The following ATAD1 variants were observed in gnomAD, a reference collection of about 807,000 sequenced individuals.
The protein encoded by ATAD1 is outer mitochondrial transmembrane helix translocase.
ATAD1 carries 18 observed loss-of-function variants against 42.7 expected under a neutral mutation model. The observed-to-expected ratio is 0.42, with a 90% CI of 0.29 to 0.63. The LOEUF is 0.63. Ranked by LOEUF, ATAD1 falls within the 20% of genes least tolerant of loss-of-function variation. The probability of loss-of-function intolerance (pLI) is 0.19; values close to 1 mark genes in which losing one functional copy is unlikely to be tolerated. For missense variants in ATAD1, 294 were observed against 440.4 expected (o/e 0.67, Z 2.98); for synonymous variants, 132 against 143.1 (o/e 0.92, Z 0.55).
chr10:87,786,746 G>A (rs1424836241), intron 4 of ATAD1, among the ~76,000 whole-genome samples: 1 of 152,030 alleles, frequency 6.6e-6, no homozygotes, highest in Non-Finnish European at 1.5e-5. Flanking sequence ...CACGAGGTGA[G>A]GAGATCGAGA....
chr10:87,763,169 A>G (rs1360632823), intron 8 of ATAD1, among the ~76,000 whole-genome samples: 1 of 151,644 alleles, frequency 6.6e-6, no homozygotes, highest in Non-Finnish European at 1.5e-5. Flanking sequence ...AAACATGGAG[A>G]ATTTTAGGAA....
intron 1 of ATAD1, among the ~76,000 whole-genome samples, chr10:87,834,211 T>C (rs1222976738): frequency 1.3e-5 from 2 of 152,200 alleles, no homozygotes; most frequent in African/African-American, 2.4e-5. Flanking sequence ...TTGTTGAAGA[T>C]TTTTGTGTCA....
At chr10:87,772,979 T>C (rs1855121744) in intron 6 of ATAD1, among the ~76,000 whole-genome samples, 1 of 152,162 alleles carries the variant, frequency 6.6e-6, no homozygotes. Context: ...TTTCTGTTCC[T>C]GCCTTCATTT....
At chr10:87,767,533 G>GACCAGT in intron 8 of ATAD1, 140 bp downstream of exon 8, 2 of 786,174 alleles carry the variant, frequency 2.5e-6, no homozygotes, top group Non-Finnish European at 4.3e-6. Flanking sequence ...ACAGGCCATA[G>GACCAGT]ACCAGTACCA....
chr10:87,833,461 A>T (rs1857871229), intron 1 of ATAD1, among the ~76,000 whole-genome samples: 1 of 152,052 alleles, frequency 6.6e-6, no homozygotes, highest in African/African-American at 2.4e-5. Flanking sequence ...TATGTCTTTT[A>T]TCTTCTTGCC....
intron 1 of ATAD1, among the ~76,000 whole-genome samples, chr10:87,823,907 A>G (rs1857677241): frequency 6.6e-6 from 1 of 152,244 alleles, no homozygotes; most frequent in South Asian, 2.1e-4. Context: ...TCTAATAGCC[A>G]GAATAACTGA....
intron 8 of ATAD1, among the ~76,000 whole-genome samples, chr10:87,765,013 G>T (rs973813867): frequency 2.6e-5 from 4 of 151,932 alleles, no homozygotes; most frequent in Non-Finnish European, 5.9e-5. Context: ...TGAAAATAAT[G>T]ACTTACTGTC....
At chr10:87,822,121 G>T (rs1419818325), upstream of ATAD1, among the ~76,000 whole-genome samples, 1 of 152,168 alleles carries the variant, frequency 6.6e-6, no homozygotes, top group Non-Finnish European at 1.5e-5. Context: ...TCTATTCATT[G>T]CTCATTAGAA....
At chr10:87,824,356 T>C (rs1422892125) in intron 1 of ATAD1, among the ~76,000 whole-genome samples, 1 of 151,972 alleles carries the variant, frequency 6.6e-6, no homozygotes, top group African/African-American at 2.4e-5. Context: ...AATCGGGGAG[T>C]CTTGGTATCT....
intron 1 of ATAD1, among the ~76,000 whole-genome samples, chr10:87,816,486 C>T (rs112891586): frequency 2.0e-5 from 3 of 152,090 alleles, no homozygotes; most frequent in Admixed American, 6.5e-5. Flanking sequence ...CTATATATGA[C>T]GCCCACTATA....
chr10:87,763,284 A>T (rs1854584005), intron 8 of ATAD1, among the ~76,000 whole-genome samples: 1 of 151,976 alleles, frequency 6.6e-6, no homozygotes, highest in Non-Finnish European at 1.5e-5. Flanking sequence ...CCCCAAAATG[A>T]TTCATAACCA....
upstream of ATAD1, chr10:87,818,319 C>G (rs925621995): frequency 3.2e-6 from 3 of 943,982 alleles, no homozygotes; most frequent in African/African-American, 3.6e-5. Flanking sequence ...AGGGGGCGTG[C>G]TCCCAGGCTT....
intron 5 of ATAD1, among the ~76,000 whole-genome samples, chr10:87,783,022 A>G (rs11202554): frequency 9.5e-4 from 145 of 152,200 alleles, no homozygotes; most frequent in African/African-American, 3.4e-3. Flanking sequence ...CTCAGCTATC[A>G]TAACAAAATC....
At chr10:87,787,326 G>T (rs745709168) in intron 4 of ATAD1, among the ~76,000 whole-genome samples, 18 of 152,128 alleles carry the variant, frequency 1.2e-4, no homozygotes, top group Non-Finnish European at 2.5e-4. Context: ...GCAAATAAAA[G>T]ATTTAGGAAG....
At position 87,753,620 on chromosome 10, in the gene ATAD1, C is replaced by T. The variant is rs926853576; in HGVS notation, c.*1067G>A. On this transcript the variant is annotated 3_prime_UTR_variant, in exon 10 of 10. Transcript: ENST00000680024. ...GTACATTTGTACCTGACTTAGGGCA[C>T]AATTTATAATAATATACTAAGAAAA... is the stretch of plus-strand genomic sequence containing the variant. The T allele has an allele frequency of 1.2e-4, 18 of 152,422 alleles. No homozygotes were observed. Among genetic ancestry groups the T allele is most frequent in the African/African-American group, 3.6e-4 (15 of 41,388 alleles). The allele number at this position is 152,422 out of a possible 1,614,324, so 9.4% of individuals were successfully genotyped here. A position where few individuals can be genotyped will look rare whatever the true frequency, so the allele number is the denominator to read the frequency against.
intron 7 of ATAD1, among the ~76,000 whole-genome samples, chr10:87,768,210 A>C (rs1218625280): frequency 6.6e-6 from 1 of 152,164 alleles, no homozygotes; most frequent in Admixed American, 6.6e-5. Flanking sequence ...ATATTTGTTT[A>C]CATGTCTGTA....
chr10:87,756,639 T>C (rs563088518), intron 9 of ATAD1, 150 bp downstream of exon 9: 47 of 680,534 alleles, frequency 6.9e-5, no homozygotes, highest in Non-Finnish European at 9.6e-5. Flanking sequence ...TTTGGAAAAA[T>C]GGCAATAAAT....
At chr10:87,835,989 A>G (rs1857922606) in intron 1 of ATAD1, among the ~76,000 whole-genome samples, 1 of 152,202 alleles carries the variant, frequency 6.6e-6, no homozygotes, top group African/African-American at 2.4e-5. Flanking sequence ...ATTTACATAC[A>G]CTGAAAACCC....
chr10:87,779,245 C>T (rs1051281251), intron 5 of ATAD1, among the ~76,000 whole-genome samples: 1 of 152,188 alleles, frequency 6.6e-6, no homozygotes, highest in Non-Finnish European at 1.5e-5. Flanking sequence ...TTGCAGAGAG[C>T]TGAGGTCGTG....
Sources: allele counts gnomAD v4.1 joint callset (sites outside exome capture counted in the v4.1 genomes callset), GRCh38; gene constraint gnomAD v4.1.1; transcripts MANE v1.5; gene names NCBI Gene and HGNC (gene_info 2026-07-23, HGNC 2026-07-21).